BEND7: variants seen among roughly 807,000 people sequenced by gnomAD.
BEND7 encodes BEN domain-containing protein 7.
A neutral mutation model predicts 50.9 loss-of-function variants in BEND7; 28 were observed. That is an observed-to-expected ratio of 0.55 (90% CI 0.41 to 0.75). BEND7 has a LOEUF of 0.75. BEND7 is among the 30% of genes least tolerant of loss of function. The pLI is 0.00. For synonymous variants in BEND7, 170 were observed against 183.9 expected (o/e 0.92, Z 0.61); for missense variants, 477 against 491.3 (o/e 0.97, Z 0.28).
chr10:13,448,519 G>C (rs1375675825), intron 7 of BEND7, among the ~76,000 whole-genome samples: 1 of 152,144 alleles, frequency 6.6e-6, no homozygotes, highest in African/African-American at 2.4e-5. Flanking sequence ...CATAATCAGG[G>C]CTTAGCTACG....
intron 2 of BEND7, among the ~76,000 whole-genome samples, chr10:13,522,611 A>G (rs1011135984): frequency 6.6e-6 from 1 of 152,304 alleles, no homozygotes; most frequent in Admixed American, 6.5e-5. Context: ...CCCACCTGGA[A>G]TCTTCTCCAG....
intron 5 of BEND7, among the ~76,000 whole-genome samples, chr10:13,490,779 T>G (rs961597021): frequency 3.9e-5 from 6 of 152,310 alleles, no homozygotes; most frequent in South Asian, 4.1e-4. Flanking sequence ...CTGGGCCACT[T>G]GCCCAATCCT....
At position 13,492,744 on chromosome 10, in the gene BEND7, G is replaced by A. The variant is rs1397955567; in HGVS notation, c.704C>T (p.Pro235Leu). Residue 235 changes from proline to leucine, a missense_variant, in exon 5 of 9, where the codon CCC (proline) becomes CTC (leucine). Pro to Leu is a moderately conservative substitution (Grantham distance 98). Coordinates refer to ENST00000466271, the MANE Select transcript of BEND7 (RefSeq NM_001369863.1). ...TVEPLTVKQKPSGSEMEKKSV... is the reference protein window; with the variant it reads ...TVEPLTVKQKLSGSEMEKKSV... ...CTTTTTCTCCATCTCTGACCCACTG[G>A]GCTTCTGTTTCACAGTAAGAGGTTC... 1.2e-6 allele frequency: 2 copies of A among 1,613,888 alleles called. No homozygotes were observed. Among genetic ancestry groups the A allele is most frequent in the Non-Finnish European group, 1.7e-6 (2 of 1,180,000 alleles).
intron 2 of BEND7, among the ~76,000 whole-genome samples, chr10:13,508,819 G>A (rs536449980): frequency 6.6e-6 from 1 of 152,318 alleles, no homozygotes; most frequent in Non-Finnish European, 1.5e-5. Flanking sequence ...GCCTAGCACA[G>A]GAAACAAAAG....
intron 5 of BEND7, among the ~76,000 whole-genome samples, chr10:13,482,157 G>A (rs1045520909): frequency 3.9e-5 from 6 of 152,176 alleles, no homozygotes; most frequent in Non-Finnish European, 8.8e-5. Context: ...CTGAAGCTCA[G>A]ACTTTGTATC....
intron 6 of BEND7, among the ~76,000 whole-genome samples, chr10:13,461,915 A>C (rs575947072): frequency 6.6e-4 from 101 of 152,278 alleles, no homozygotes; most frequent in African/African-American, 2.3e-3. Flanking sequence ...ACAGATTCTC[A>C]CAGAAAAAAG....
downstream of BEND7, chr10:13,439,144 C>T (rs753429953): frequency 1.2e-5 from 18 of 1,523,534 alleles, no homozygotes; most frequent in Non-Finnish European, 1.6e-5. Context: ...ATGGGTGATA[C>T]ACACACACAT....
intron 6 of BEND7, among the ~76,000 whole-genome samples, chr10:13,469,545 C>T (rs1421738195): frequency 6.6e-6 from 1 of 152,152 alleles, no homozygotes; most frequent in Non-Finnish European, 1.5e-5. Context: ...GGCGTGATCT[C>T]GGCTCACTGC....
chr10:13,469,395 G>C (rs2074575770), intron 6 of BEND7, among the ~76,000 whole-genome samples: 1 of 152,174 alleles, frequency 6.6e-6, no homozygotes, highest in Non-Finnish European at 1.5e-5. Flanking sequence ...GATAGGTACA[G>C]CCGTGCTTTG....
At chr10:13,461,933 A>G (rs1588708153) in intron 6 of BEND7, among the ~76,000 whole-genome samples, 1 of 152,270 alleles carries the variant, frequency 6.6e-6, no homozygotes, top group East Asian at 1.9e-4. Context: ...AAGAAAAGAA[A>G]AGAAAAACAG....
At chr10:13,515,904 G>A (rs750776484) in intron 2 of BEND7, among the ~76,000 whole-genome samples, 5 of 151,888 alleles carry the variant, frequency 3.3e-5, no homozygotes, top group African/African-American at 9.7e-5. Context: ...TGGTGTAGAC[G>A]GGGTGCTATC....
chr10:13,508,958 G>C (rs941042856), intron 2 of BEND7, among the ~76,000 whole-genome samples: 5 of 152,220 alleles, frequency 3.3e-5, no homozygotes, highest in African/African-American at 1.2e-4. Context: ...GTGAAGCCAG[G>C]ACAGGTACCA....
At chr10:13,499,282 T>C (rs1199377307) in intron 3 of BEND7, among the ~76,000 whole-genome samples, 2 of 152,220 alleles carry the variant, frequency 1.3e-5, no homozygotes, top group African/African-American at 4.8e-5. Flanking sequence ...TATGGATCAC[T>C]GGGTTCAGTA....
chr10:13,439,502 G>GGAATGAATGAAT, downstream of BEND7: 1 of 1,587,746 alleles, frequency 6.3e-7, no homozygotes. Flanking sequence ...AAGCACCTGT[G>GGAATGAATGAAT]GAATGAATGA....
At position 13,480,994 on chromosome 10, in the gene BEND7, T is replaced by A. The variant is rs753284452; in HGVS notation, c.968A>T (p.Lys323Met). ...ATTGGGTAAGGAGTTAGCCAAAGTC[T>A]TGTCATCAAAAAACGCACACACCAG... is the stretch of plus-strand genomic sequence containing the variant. ...RKLVCAFFDDKTLANSLPNGK... is the reference protein window; with the variant it reads ...RKLVCAFFDDMTLANSLPNGK... The change falls in exon 6 of 9, where the codon AAG (lysine) becomes ATG (methionine). Residue 323 changes from lysine to methionine, a missense_variant. By Grantham distance (95) the Lys-to-Met change is moderately conservative. Transcript: ENST00000466271. 1 of 1,614,082 alleles carries A rather than the reference T, an allele frequency of 6.2e-7. No individual in the cohort carries two copies. Among genetic ancestry groups the A allele is most frequent in the African/African-American group, 1.3e-5 (1 of 74,932 alleles).
At chr10:13,489,685 AACAG>A (rs1373661330) in intron 5 of BEND7, among the ~76,000 whole-genome samples, 1 of 152,180 alleles carries the variant, frequency 6.6e-6, no homozygotes, top group Admixed American at 6.5e-5. Flanking sequence ...ATATTTACCA[AACAG>A]TATAGAAGTT....
At chr10:13,476,641 C>T (rs1482935450) in intron 6 of BEND7, among the ~76,000 whole-genome samples, 4 of 152,202 alleles carry the variant, frequency 2.6e-5, no homozygotes, top group African/African-American at 9.7e-5. Context: ...ACTCTAACCA[C>T]GTTAATCTGC....
intron 6 of BEND7, among the ~76,000 whole-genome samples, chr10:13,465,358 T>C (rs779530066): frequency 4.6e-5 from 7 of 152,190 alleles, no homozygotes; most frequent in Non-Finnish European, 1.0e-4. Flanking sequence ...TATTTACTGA[T>C]GAAATGAGAA....
intron 6 of BEND7, among the ~76,000 whole-genome samples, chr10:13,462,087 A>G (rs1840329016): frequency 6.6e-6 from 1 of 152,240 alleles, no homozygotes; most frequent in Non-Finnish European, 1.5e-5. Flanking sequence ...GCTTAAAATG[A>G]GCAAGGAAAA....
Sources: allele counts gnomAD v4.1 joint callset (sites outside exome capture counted in the v4.1 genomes callset), GRCh38; gene constraint gnomAD v4.1.1; transcripts MANE v1.5; gene names NCBI Gene and HGNC (gene_info 2026-07-23, HGNC 2026-07-21).